The following CLIP4 variants were observed in gnomAD, a reference collection of about 807,000 sequenced individuals.
The protein encoded by CLIP4 is CAP-Gly domain containing linker protein family member 4.
CLIP4 carries 47 observed loss-of-function variants against 73.1 expected under a neutral mutation model. That is an observed-to-expected ratio of 0.64 (90% CI 0.51 to 0.82). CLIP4 has a LOEUF of 0.82. Among genes scored for constraint, CLIP4 ranks in the 40% least tolerant of loss-of-function variants. The probability of loss-of-function intolerance (pLI) is 0.00; values close to 1 mark genes in which losing one functional copy is unlikely to be tolerated. For synonymous variants in CLIP4, 306 were observed against 295.4 expected (o/e 1.04, Z -0.37); for missense variants, 874 against 852.9 (o/e 1.02, Z -0.31).
intron 1 of CLIP4, among the ~76,000 whole-genome samples, chr2:29,106,922 T>C (rs1668224103): frequency 6.6e-6 from 1 of 152,190 alleles, no homozygotes; most frequent in Non-Finnish European, 1.5e-5. Flanking sequence ...TTCTCACTTA[T>C]TTTTTACCTT....
At position 29,115,529 on chromosome 2, in the gene CLIP4, G is replaced by A. The variant is rs1354885992; in HGVS notation, c.-152G>A. On this transcript the variant is annotated 5_prime_UTR_variant, in exon 1 of 16. Coordinates refer to ENST00000320081, the MANE Select transcript of CLIP4 (RefSeq NM_024692.6). This position sits in a 1 kb window ranked among gnomAD's most constrained non-coding sequence, Gnocchi z 5.1. ...CGTGGGAGGCAGCGGGAGGGGCCCG[G>A]AGAGGTGTGGAGCGGCGCGGCGGGA... is the stretch of plus-strand genomic sequence containing the variant. 1 of 148,082 alleles carries A rather than the reference G, an allele frequency of 6.8e-6. No homozygotes were observed. The highest frequency in any genetic ancestry group is 2.4e-5 in the African/African-American group (1 of 41,018). 9.2% of individuals were successfully genotyped at this position (148,082 alleles called of 1,614,324 possible). A position where few individuals can be genotyped will look rare whatever the true frequency, so the allele number is the denominator to read the frequency against.
chr2:29,169,430 A>G (rs1667860641), intron 14 of CLIP4, among the ~76,000 whole-genome samples: 1 of 150,542 alleles, frequency 6.6e-6, no homozygotes, highest in Non-Finnish European at 1.5e-5. Flanking sequence ...TATCCATGTG[A>G]CCTCATTTAA....
chr2:29,177,520 G>A (rs2148115799), intron 15 of CLIP4, among the ~76,000 whole-genome samples: 1 of 152,088 alleles, frequency 6.6e-6, no homozygotes, highest in South Asian at 2.1e-4. Context: ...GGCAGAGGTT[G>A]CAGTGAGCCT....
At chr2:29,104,280 T>G (rs1278357114) in intron 1 of CLIP4, among the ~76,000 whole-genome samples, 1 of 151,846 alleles carries the variant, frequency 6.6e-6, no homozygotes, top group Non-Finnish European at 1.5e-5. Flanking sequence ...GGTCTCTTTG[T>G]TTTTGTTTGT....
chr2:29,141,321 T>C (rs1427147611), intron 6 of CLIP4, among the ~76,000 whole-genome samples: 1 of 152,224 alleles, frequency 6.6e-6, no homozygotes, highest in Non-Finnish European at 1.5e-5. Context: ...TGGAGTATTC[T>C]TTAGATGCCT....
intron 12 of CLIP4, among the ~76,000 whole-genome samples, chr2:29,163,215 C>G (rs73920717): frequency 0.017 from 2,602 of 151,518 alleles, 70 homozygotes; most frequent in African/African-American, 0.06. Context: ...TACAAAAAGT[C>G]TTTAAAATAA....
chr2:29,179,723 T>A (rs1668541359), intron 15 of CLIP4, among the ~76,000 whole-genome samples: 1 of 152,184 alleles, frequency 6.6e-6, no homozygotes, highest in Admixed American at 6.5e-5. Context: ...AAACATCCAT[T>A]TGGGGAGAAT....
chr2:29,102,368 C>G (rs1051856184), intron 1 of CLIP4, among the ~76,000 whole-genome samples: 2 of 152,082 alleles, frequency 1.3e-5, no homozygotes, highest in African/African-American at 4.8e-5. Flanking sequence ...GTCACACCTG[C>G]CCCACGAACA....
intron 2 of CLIP4, among the ~76,000 whole-genome samples, chr2:29,127,951 T>TGG (rs1304523354): frequency 6.6e-6 from 1 of 152,180 alleles, no homozygotes; most frequent in Non-Finnish European, 1.5e-5. Context: ...CTGATAAAAT[T>TGG]ATACCAGAAC....
intron 6 of CLIP4, among the ~76,000 whole-genome samples, chr2:29,136,191 T>G (rs539009197): frequency 4.3e-4 from 65 of 152,052 alleles, no homozygotes; most frequent in African/African-American, 9.2e-4. Context: ...TGTTGTTGTT[T>G]TTTTTTTTCA....
At chr2:29,146,678 A>ATGATGATGAAGCGGATGGACTT (rs1206786944) in intron 8 of CLIP4, among the ~76,000 whole-genome samples, 1 of 152,134 alleles carries the variant, frequency 6.6e-6, no homozygotes, top group Non-Finnish European at 1.5e-5. Context: ...TGGTATGATG[A>ATGATGATGAAGCGGATGGACTT]TGATGATGAA....
At chr2:29,117,403 G>A (rs1362046672) in intron 1 of CLIP4, among the ~76,000 whole-genome samples, 2 of 151,480 alleles carry the variant, frequency 1.3e-5, no homozygotes, top group African/African-American at 4.9e-5. Flanking sequence ...CAGTGCAGTG[G>A]CCTGATCTCT....
intron 10 of CLIP4, 44 bp downstream of exon 10, chr2:29,156,487 A>T (rs758168886): frequency 1.5e-6 from 2 of 1,372,184 alleles, no homozygotes. Flanking sequence ...TTAACTTTTG[A>T]TGGAACTTTA....
At chr2:29,143,307 A>T (rs1180710725) in intron 6 of CLIP4, among the ~76,000 whole-genome samples, 2 of 151,300 alleles carry the variant, frequency 1.3e-5, no homozygotes, top group Non-Finnish European at 2.9e-5. Context: ...CTCTGTGGAG[A>T]TGCATCTCAT....
intron 6 of CLIP4, among the ~76,000 whole-genome samples, chr2:29,138,701 G>C (rs1274744377): frequency 2.6e-5 from 4 of 152,018 alleles, no homozygotes; most frequent in Admixed American, 2.6e-4. Context: ...TTATTGTAGA[G>C]ATCTTCCATC....
At chr2:29,165,603 C>T (rs1053639208) in intron 13 of CLIP4, among the ~76,000 whole-genome samples, 7 of 152,170 alleles carry the variant, frequency 4.6e-5, no homozygotes, top group Non-Finnish European at 8.8e-5. Context: ...CATGCTGAGT[C>T]ACCAGTGAAT....
At chr2:29,157,072 A>C in intron 10 of CLIP4, 132 bp from the exon 11 acceptor site, 1 of 723,116 alleles carries the variant, frequency 1.4e-6, no homozygotes, top group Non-Finnish European at 2.4e-6. Context: ...GAAATTAGGC[A>C]TTTAATTTGA....
At position 29,183,126 on chromosome 2, in the gene CLIP4, T is replaced by C. The variant is rs1192228109; in HGVS notation, c.*1233T>C. On this transcript the variant is annotated 3_prime_UTR_variant, in exon 16 of 16. Transcript: ENST00000320081. The stretch of plus-strand genomic sequence containing the variant: ...GATGTCATAATGTAAAATGTTTGCA[T>C]TGTGGTTAGGTATTGAAGTTTATGT... The C allele has an allele frequency of 6.6e-6, 1 of 152,606 alleles. No individual in the cohort carries two copies. The highest frequency in any genetic ancestry group is 2.4e-5 in the African/African-American group (1 of 41,450). 9.5% of individuals were successfully genotyped at this position (152,606 alleles called of 1,614,324 possible). A position where few individuals can be genotyped will look rare whatever the true frequency, so the allele number is the denominator to read the frequency against.
At chr2:29,098,290 T>G (rs891536037) in intron 1 of CLIP4, among the ~76,000 whole-genome samples, 6 of 152,260 alleles carry the variant, frequency 3.9e-5, no homozygotes, top group Admixed American at 3.9e-4. Context: ...GATTCACTTT[T>G]GTGTTTTACA....
Sources: gnomAD v4.1 joint callset for allele counts (sites outside exome capture counted in the v4.1 genomes callset) on GRCh38, gnomAD v4.1.1 for gene constraint, Gnocchi (gnomAD v3.1) non-coding constraint, MANE v1.5 for transcripts, NCBI Gene and HGNC (gene_info 2026-07-23, HGNC 2026-07-21) for gene names.